Variants in SNTB1 observed in about 807,000 individuals in gnomAD.
The protein encoded by SNTB1 is syntrophin beta 1.
SNTB1 carries 36 observed loss-of-function variants against 48.9 expected under a neutral mutation model. The ratio of observed to expected loss-of-function variants is 0.74; its 90% CI spans 0.56 to 0.97. The LOEUF (loss-of-function observed/expected upper bound fraction) is 0.97, where lower values mean the gene tolerates loss of function less well. Among genes scored for constraint, SNTB1 ranks in the 50% least tolerant of loss-of-function variants. The pLI, the probability that SNTB1 is intolerant of heterozygous loss-of-function variation, is 0.00. For missense variants in SNTB1, 786 were observed against 703.4 expected (o/e 1.12, Z -1.33); for synonymous variants, 299 against 294.6 (o/e 1.01, Z -0.15).
chr8:120,569,498 T>C (rs1487576635), intron 4 of SNTB1, among the ~76,000 whole-genome samples: 1 of 152,208 alleles, frequency 6.6e-6, no homozygotes, highest in Non-Finnish European at 1.5e-5. Flanking sequence ...CCATCTCTCC[T>C]TCTGGGCCTT....
chr8:120,648,342 G>A (rs1817339663), intron 2 of SNTB1, among the ~76,000 whole-genome samples: 1 of 151,808 alleles, frequency 6.6e-6, no homozygotes, highest in Non-Finnish European at 1.5e-5. Flanking sequence ...TCCTTCAGGA[G>A]CTCTTGTAAG....
intron 3 of SNTB1, among the ~76,000 whole-genome samples, chr8:120,600,315 A>G (rs1797257490): frequency 6.6e-6 from 1 of 152,262 alleles, no homozygotes; most frequent in Non-Finnish European, 1.5e-5. Flanking sequence ...CCATACAGAC[A>G]GAGAACATGG....
intron 1 of SNTB1, among the ~76,000 whole-genome samples, chr8:120,740,454 T>C (rs1396014953): frequency 6.6e-6 from 1 of 152,204 alleles, no homozygotes; most frequent in Non-Finnish European, 1.5e-5. Flanking sequence ...TTTTAAGGAC[T>C]TGAGGTAGAA....
chr8:120,775,713 AGG>A (rs1819722685), intron 1 of SNTB1, among the ~76,000 whole-genome samples: 1 of 89,518 alleles, frequency 1.1e-5, no homozygotes, highest in East Asian at 2.3e-4. Context: ...GAGACAAGGA[AGG>A]AAGGAAGGAA....
chr8:120,574,117 C>T (rs1255097923), intron 4 of SNTB1, among the ~76,000 whole-genome samples: 1 of 152,126 alleles, frequency 6.6e-6, no homozygotes, highest in African/African-American at 2.4e-5. Context: ...GCCAGACACA[C>T]AAGGACAAAC....
At chr8:120,562,881 A>C (rs929812951) in intron 4 of SNTB1, among the ~76,000 whole-genome samples, 2 of 142,480 alleles carry the variant, frequency 1.4e-5, no homozygotes, top group African/African-American at 6.1e-5. Context: ...GCTCAAAAAA[A>C]GAAAAAGAAA....
At chr8:120,694,963 G>A (rs1025298835) in intron 1 of SNTB1, among the ~76,000 whole-genome samples, 12 of 152,248 alleles carry the variant, frequency 7.9e-5, no homozygotes, top group African/African-American at 2.9e-4. Context: ...GCAGACTGAA[G>A]TTCTGCTCTT....
intron 4 of SNTB1, among the ~76,000 whole-genome samples, chr8:120,569,491 T>C (rs1815808290): frequency 6.6e-6 from 1 of 152,196 alleles, no homozygotes; most frequent in Non-Finnish European, 1.5e-5. Flanking sequence ...TGCACATCCA[T>C]CTCTCCTTCT....
At chr8:120,716,468 A>G (rs1818560215) in intron 1 of SNTB1, among the ~76,000 whole-genome samples, 2 of 152,210 alleles carry the variant, frequency 1.3e-5, no homozygotes, top group South Asian at 4.1e-4. Context: ...TGTGAAGGTC[A>G]ATTCTTGCAG....
chr8:120,675,629 A>G (rs1157536122), intron 2 of SNTB1, among the ~76,000 whole-genome samples: 5 of 152,174 alleles, frequency 3.3e-5, no homozygotes. Context: ...TCATTAGCCA[A>G]AATTAGCCAC....
At chr8:120,789,758 CA>C (rs776049110) in intron 1 of SNTB1, among the ~76,000 whole-genome samples, 4 of 151,750 alleles carry the variant, frequency 2.6e-5, no homozygotes, top group South Asian at 2.1e-4. Flanking sequence ...AAGCTGCCAA[CA>C]AAAAAAGCCC....
chr8:120,758,249 C>T lies in SNTB1; in HGVS notation c.571+53024G>A, dbSNP rs540614776. Reference sequence around the variant, plus strand: ...AGAGAGCTAATAAATATTGTTTTTGCTTAAACAAATTGATTGTGTCACTTG... The same window carrying T: ...AGAGAGCTAATAAATATTGTTTTTGTTTAAACAAATTGATTGTGTCACTTG... On this transcript the variant is annotated intron_variant, in intron 1 of 6. Coordinates refer to ENST00000517992, the MANE Select transcript of SNTB1 (RefSeq NM_021021.4). 2.6e-5 allele frequency among the ~76,000 whole-genome samples: 4 copies of T among 152,084 alleles called. No individual in the cohort carries two copies. In the South Asian group the frequency reaches 8.3e-4, roughly 32 times the overall value.
intron 1 of SNTB1, among the ~76,000 whole-genome samples, chr8:120,763,020 A>G (rs1819448694): frequency 6.6e-6 from 1 of 152,210 alleles, no homozygotes; most frequent in African/African-American, 2.4e-5. Context: ...ATAGCCAGGC[A>G]CAGAATTGGA....
intron 2 of SNTB1, among the ~76,000 whole-genome samples, chr8:120,655,822 GA>G (rs1817493071): frequency 6.6e-6 from 1 of 152,146 alleles, no homozygotes. Context: ...TGGCAATTCT[GA>G]AGGAGGCAAC....
chr8:120,797,384 G>A (rs778614356), intron 1 of SNTB1, among the ~76,000 whole-genome samples: 12 of 151,788 alleles, frequency 7.9e-5, no homozygotes, highest in Admixed American at 2.0e-4. Context: ...AGTAAGGATC[G>A]GGACAGCACA....
At chr8:120,795,586 CTAATGAAATTTATTCTAA>C in intron 1 of SNTB1, among the ~76,000 whole-genome samples, 1 of 152,048 alleles carries the variant, frequency 6.6e-6, no homozygotes, top group Non-Finnish European at 1.5e-5. Context: ...CTATTAACTT[CTAATGAAATTTATTCTAA>C]ATCCTCCTAC....
intron 1 of SNTB1, among the ~76,000 whole-genome samples, chr8:120,757,279 T>G (rs554582398): frequency 2.6e-5 from 4 of 152,262 alleles, no homozygotes; most frequent in East Asian, 1.9e-4. Flanking sequence ...GGGTGATTGG[T>G]CTGCAGTAAC....
chr8:120,794,423 A>G (rs1184070941), intron 1 of SNTB1, among the ~76,000 whole-genome samples: 1 of 152,008 alleles, frequency 6.6e-6, no homozygotes, highest in Non-Finnish European at 1.5e-5. Context: ...GGACTTCTGT[A>G]AAGTCTGTGT....
intron 2 of SNTB1, among the ~76,000 whole-genome samples, chr8:120,657,175 T>A (rs7821158): frequency 2.6e-5 from 4 of 151,980 alleles, no homozygotes; most frequent in African/African-American, 9.7e-5. Context: ...TTTAATGCAA[T>A]CAATATCTTT....
Sources: gnomAD v4.1 joint callset for allele counts (sites outside exome capture counted in the v4.1 genomes callset) on GRCh38, gnomAD v4.1.1 for gene constraint, MANE v1.5 for transcripts, NCBI Gene and HGNC (gene_info 2026-07-23, HGNC 2026-07-21) for gene names.